SPATA13: variants seen among roughly 807,000 people sequenced by gnomAD.
SPATA13 encodes the protein spermatogenesis-associated protein 13.
Under a neutral mutation model 104.0 loss-of-function variants are expected in SPATA13, and 50 were observed. That is an observed-to-expected ratio of 0.48 (90% confidence interval 0.38 to 0.61). The LOEUF is 0.61. Ranked by LOEUF, SPATA13 falls within the 20% of genes least tolerant of loss-of-function variation. The pLI is 0.00. For missense variants in SPATA13, 1,524 were observed against 1,690.6 expected, an observed-to-expected ratio of 0.90 and a Z score of 1.73; for synonymous variants, 606 against 667.5, an observed-to-expected ratio of 0.91 and a Z score of 1.42.
intron 3 of SPATA13, among the ~76,000 whole-genome samples, chr13:24,039,511 C>T (rs773005780): frequency 2.6e-5 from 4 of 152,284 alleles, no homozygotes; most frequent in East Asian, 1.9e-4. Flanking sequence ...AGTTGGCAAG[C>T]GCTTTGACTT....
chr13:24,105,463 A>G (rs1880412546), intron 3 of SPATA13, among the ~76,000 whole-genome samples: 1 of 124,838 alleles, frequency 8.0e-6, no homozygotes, highest in South Asian at 2.4e-4. Flanking sequence ...TTTTTGACAT[A>G]TCAATTTCTT....
intron 3 of SPATA13, among the ~76,000 whole-genome samples, chr13:24,085,469 G>A (rs924420293): frequency 5.3e-5 from 8 of 152,100 alleles, no homozygotes; most frequent in Non-Finnish European, 1.0e-4. Context: ...ACTTAGAAAC[G>A]TCCAGAGGGG....
intron 2 of SPATA13, among the ~76,000 whole-genome samples, chr13:24,012,568 T>G (rs565844962): frequency 5.9e-5 from 9 of 152,336 alleles, no homozygotes; most frequent in African/African-American, 2.2e-4. Flanking sequence ...TTGATCAAGT[T>G]CATGGTCTTC....
At chr13:24,238,820 G>A (rs1007884085) in intron 2 of SPATA13, among the ~76,000 whole-genome samples, 11 of 152,168 alleles carry the variant, frequency 7.2e-5, no homozygotes, top group African/African-American at 2.4e-4. Flanking sequence ...TTCTTTAACT[G>A]CCAAGTTTTG....
At chr13:24,238,774 CTTTTACTCTTTGTGATATAAATTTTTCA>C in intron 2 of SPATA13, among the ~76,000 whole-genome samples, 1 of 152,284 alleles carries the variant, frequency 6.6e-6, no homozygotes, top group South Asian at 2.1e-4. Flanking sequence ...TGGCTTTGTA[CTTTTACTCTTTGTGATATAAATTTTTCA>C]TCTGTAATTC....
intron 2 of SPATA13, among the ~76,000 whole-genome samples, chr13:24,241,426 C>T (rs1409837257): frequency 2.6e-5 from 4 of 152,234 alleles, no homozygotes; most frequent in East Asian, 1.9e-4. Context: ...ATTTGTGAGA[C>T]GGCATTACTC....
chr13:24,086,985 C>G (rs937021093), intron 3 of SPATA13, among the ~76,000 whole-genome samples: 2 of 152,192 alleles, frequency 1.3e-5, no homozygotes, highest in African/African-American at 4.8e-5. Flanking sequence ...TTCCCTGTGG[C>G]CCAAAGTATT....
intron 3 of SPATA13, among the ~76,000 whole-genome samples, chr13:24,107,447 T>TA (rs1294115623): frequency 6.6e-6 from 1 of 152,052 alleles, no homozygotes; most frequent in Non-Finnish European, 1.5e-5. Flanking sequence ...CCCAAGGCCC[T>TA]AGGAAGGAAT....
chr13:24,179,440 A>T (rs1868653239), intron 1 of SPATA13, among the ~76,000 whole-genome samples: 1 of 152,238 alleles, frequency 6.6e-6, no homozygotes, highest in Admixed American at 6.5e-5. Flanking sequence ...GTGCTATTTA[A>T]AAATTTAAAA....
chr13:24,142,159 AT>A (rs1198848177), intron 3 of SPATA13, among the ~76,000 whole-genome samples: 5 of 150,980 alleles, frequency 3.3e-5, no homozygotes, highest in Non-Finnish European at 7.4e-5. Flanking sequence ...GAGGGGTCTT[AT>A]GTATCCTTCT....
chr13:24,028,551 T>C (rs1225744219), intron 3 of SPATA13, among the ~76,000 whole-genome samples: 2 of 152,246 alleles, frequency 1.3e-5, no homozygotes, highest in Admixed American at 1.3e-4. Context: ...TTTTTGACTT[T>C]GGCATTCTTC....
intron 1 of SPATA13, among the ~76,000 whole-genome samples, chr13:24,171,230 G>A (rs1444633940): frequency 2.0e-5 from 3 of 152,118 alleles, no homozygotes; most frequent in Non-Finnish European, 4.4e-5. Flanking sequence ...CTGAGCATGA[G>A]GCACTTGGAA....
intron 3 of SPATA13, chr13:24,123,639 A>C: frequency 1.2e-6 from 2 of 1,605,590 alleles, no homozygotes; most frequent in Non-Finnish European, 1.7e-6. Context: ...GGTAGGAGAA[A>C]TGAAATCTTC....
intron 3 of SPATA13, among the ~76,000 whole-genome samples, chr13:24,089,688 A>G (rs182841640): frequency 3.3e-5 from 5 of 152,380 alleles, no homozygotes. Flanking sequence ...TCCTACAGGA[A>G]GTATTTGTCA....
intron 3 of SPATA13, among the ~76,000 whole-genome samples, chr13:24,140,018 A>G (rs1199053032): frequency 6.6e-6 from 1 of 151,750 alleles, no homozygotes; most frequent in Non-Finnish European, 1.5e-5. Context: ...GCAGTGAGCC[A>G]AGGTCGTGCC....
At chr13:24,277,443 CA>C (rs751513515) in intron 4 of SPATA13, among the ~76,000 whole-genome samples, 26 of 50,730 alleles carry the variant, frequency 5.1e-4, no homozygotes, top group African/African-American at 1.7e-3. Context: ...GACTCCGTCT[CA>C]AAAAAAAAAA....
chr13:24,086,648 G>A (rs1188010875), intron 3 of SPATA13, among the ~76,000 whole-genome samples: 1 of 152,188 alleles, frequency 6.6e-6, no homozygotes, highest in Non-Finnish European at 1.5e-5. Flanking sequence ...TGCCACAGAA[G>A]ACACAGTTCA....
At chr13:24,035,602 GA>G (rs1877648958) in intron 3 of SPATA13, among the ~76,000 whole-genome samples, 1 of 152,176 alleles carries the variant, frequency 6.6e-6, no homozygotes, top group African/African-American at 2.4e-5. Context: ...ACAAACATGA[GA>G]AAAACAAGCC....
chr13:24,054,519 T>C (rs1878470017), intron 3 of SPATA13, among the ~76,000 whole-genome samples: 1 of 152,142 alleles, frequency 6.6e-6, no homozygotes, highest in African/African-American at 2.4e-5. Flanking sequence ...CTTAGCTGTC[T>C]AATGTGCAAA....
Sources: allele counts gnomAD v4.1 joint callset (sites outside exome capture counted in the v4.1 genomes callset), GRCh38; gene constraint gnomAD v4.1.1; transcripts MANE v1.5; gene names NCBI Gene and HGNC (gene_info 2026-07-23, HGNC 2026-07-21).